BDP1: variants seen among roughly 807,000 people sequenced by gnomAD.
BDP1 encodes BDP1 general transcription factor IIIB subunit.
In BDP1, 169 loss-of-function variants were observed where a neutral mutation model predicts 266.6. That is an observed-to-expected ratio of 0.63 (90% CI 0.56 to 0.72). BDP1 has a LOEUF of 0.72. BDP1 is among the 30% of genes least tolerant of loss of function. BDP1 has a pLI of 0.00. For synonymous variants in BDP1, 1,090 were observed against 1,022.4 expected (o/e 1.07, Z -1.26); for missense variants, 3,015 against 3,053.8 (o/e 0.99, Z 0.30).
chr5:71,499,673 A>AT (rs1764114325), intron 13 of BDP1, among the ~76,000 whole-genome samples: 1 of 152,082 alleles, frequency 6.6e-6, no homozygotes, highest in Non-Finnish European at 1.5e-5. Flanking sequence ...ATTAATTTAC[A>AT]TTTTTTTGGG....
rs1765276261 is a variant in BDP1 at position 71,517,354 on chromosome 5, T to G, written c.4893T>G (p.Val1631=). 1 of 1,599,532 alleles carries G rather than the reference T, an allele frequency of 6.3e-7. No individual in the cohort carries two copies. The highest frequency in any genetic ancestry group is 8.5e-7 in the Non-Finnish European group (1 of 1,176,206). ...SNSQIETEIE[V]PSSAVPEHRM... ...CTCAAATTGAAACTGAAATTGAAGT[T>G]CCATCGTCCGCAGTTCCAGAACACA... The change falls in exon 22 of 39, where the codon GTT becomes GTG. Residue 1631 remains valine, a synonymous_variant. Transcript: ENST00000358731.
chr5:71,495,975 G>A (rs542901093), intron 12 of BDP1, among the ~76,000 whole-genome samples: 1 of 152,212 alleles, frequency 6.6e-6, no homozygotes, highest in African/African-American at 2.4e-5. Flanking sequence ...GGGCGCAGTG[G>A]CTCACACCTG....
chr5:71,541,404 G>A, intron 28 of BDP1, 50 bp from the exon 29 acceptor site: 1 of 705,738 alleles, frequency 1.4e-6, no homozygotes, highest in East Asian at 2.9e-5. Context: ...TTTATTTTGA[G>A]CATCTATAAT....
Position 71,455,656 on chromosome 5 carries a change from T to G in BDP1, c.-222T>G. 1.8e-6 allele frequency: 1 copy of G among 570,066 alleles called. No individual in the cohort carries two copies. The highest frequency in any genetic ancestry group is 3.1e-6 in the Non-Finnish European group (1 of 320,852). The allele number at this position is 570,066 out of a possible 1,614,324, so 35.3% of individuals were successfully genotyped here. A position where few individuals can be genotyped will look rare whatever the true frequency, so the allele number is the denominator to read the frequency against. On this transcript the variant is annotated 5_prime_UTR_variant, in exon 1 of 39. Coordinates refer to ENST00000358731, the MANE Select transcript of BDP1 (RefSeq NM_018429.3). ...GAGCGCGGGGATGCTGGGAGGAGGG[T>G]GAAATTTAGCCATCGGTGTGTGGCA...
chr5:71,573,233 AAAAAAAAAG>A, the BDP1 span, among the ~76,000 whole-genome samples: 1 of 125,708 alleles, frequency 8.0e-6, no homozygotes, highest in Non-Finnish European at 1.8e-5. Context: ...GTTTCAAAAA[AAAAAAAAAG>A]AAAGAAAAGA....
At chr5:71,496,110 C>T (rs1382689663) in intron 12 of BDP1, among the ~76,000 whole-genome samples, 1 of 151,852 alleles carries the variant, frequency 6.6e-6, no homozygotes, top group Non-Finnish European at 1.5e-5. Flanking sequence ...GGTGTGGTGG[C>T]ATGCACCTGT....
At chr5:71,522,988 T>G (rs1279885367) in intron 24 of BDP1, 39 bp downstream of exon 24, 1 of 1,506,936 alleles carries the variant, frequency 6.6e-7, no homozygotes, top group Non-Finnish European at 8.9e-7. Context: ...CAATAAGAAA[T>G]AAAAATCACT....
intron 25 of BDP1, among the ~76,000 whole-genome samples, chr5:71,530,970 G>T (rs529291909): frequency 3.3e-5 from 5 of 152,184 alleles, no homozygotes; most frequent in Admixed American, 1.3e-4. Context: ...GCTACTTGGA[G>T]GGCTGAGGCG....
chr5:71,544,968 A>C, intron 31 of BDP1, 71 bp from the exon 32 acceptor site: 3 of 1,394,224 alleles, frequency 2.2e-6, no homozygotes, highest in Non-Finnish European at 3.0e-6. Context: ...GATCTTTTAC[A>C]CACCTAGCTC....
chr5:71,577,409 A>G, the BDP1 span, among the ~76,000 whole-genome samples: 1 of 152,248 alleles, frequency 6.6e-6, no homozygotes, highest in East Asian at 1.9e-4. Context: ...GCTACTTGAG[A>G]ATAAAATTAA....
rs759335091 is a variant in BDP1 at position 71,493,560 on chromosome 5, G to C, written c.1641-1690G>C. On this transcript the variant is annotated intron_variant, in intron 11 of 38. Transcript: ENST00000358731. ...TCTAATTTAGGGGAAAAACAACCTT[G>C]TAATGACTGTTAAAGTCCCAGTTGG... Among the ~76,000 whole-genome samples the C allele has an allele frequency of 1.3e-5, 2 of 152,182 alleles. 1 individual carries two copies. The highest frequency in any genetic ancestry group is 1.3e-4 in the Admixed American group (2 of 15,272).
chr5:71,571,207 C>T (rs937188278), downstream of BDP1, among the ~76,000 whole-genome samples: 3 of 152,052 alleles, frequency 2.0e-5, no homozygotes, highest in Non-Finnish European at 2.9e-5. Context: ...GGCAGTGGCA[C>T]GATCTCAGCT....
Position 71,461,946 on chromosome 5 carries a change from G to C in BDP1, c.599+20G>C, listed in dbSNP as rs1761593477. 1.0e-6 allele frequency: 1 copy of C among 967,694 alleles called. No individual in the cohort carries two copies. The highest frequency in any genetic ancestry group is 1.6e-6 in the Non-Finnish European group (1 of 625,170). The allele number at this position is 967,694 out of a possible 1,614,324, so 59.9% of individuals were successfully genotyped here. A position where few individuals can be genotyped will look rare whatever the true frequency, so the allele number is the denominator to read the frequency against. ...AATGACGTAAGTAAAATTTATTTCT[G>C]CTTTACTATCTCTTTTTTTTTTTTT... On this transcript the variant is annotated intron_variant, in intron 3 of 38. Transcript: ENST00000358731.
chr5:71,554,151 T>C (rs1328806038), intron 35 of BDP1, among the ~76,000 whole-genome samples: 3 of 152,204 alleles, frequency 2.0e-5, no homozygotes, highest in African/African-American at 7.2e-5. Flanking sequence ...AGAGCAAGTG[T>C]GCTTTTATAT....
At chr5:71,520,239 T>C (rs2150501285) in intron 22 of BDP1, among the ~76,000 whole-genome samples, 1 of 152,326 alleles carries the variant, frequency 6.6e-6, no homozygotes, top group African/African-American at 2.4e-5. Context: ...GAATTTTTTC[T>C]CCCATTCTGT....
downstream of BDP1, among the ~76,000 whole-genome samples, chr5:71,568,980 TC>T (rs1241292620): frequency 6.6e-6 from 1 of 152,246 alleles, no homozygotes; most frequent in African/African-American, 2.4e-5. Flanking sequence ...TGCATTTTTT[TC>T]ATGGCACTAG....
intron 11 of BDP1, among the ~76,000 whole-genome samples, chr5:71,493,321 G>A (rs988670150): frequency 2.6e-5 from 4 of 152,166 alleles, no homozygotes; most frequent in Non-Finnish European, 1.5e-5. Context: ...GTGTAGTAGC[G>A]TGATCACAGC....
At chr5:71,557,007 T>C in intron 36 of BDP1, 82 bp downstream of exon 36, 1 of 685,124 alleles carries the variant, frequency 1.5e-6, no homozygotes, top group Non-Finnish European at 2.3e-6. Flanking sequence ...AAATATGAGA[T>C]TGAAACTGAG....
intron 7 of BDP1, among the ~76,000 whole-genome samples, chr5:71,482,061 T>C (rs1763000062): frequency 6.6e-6 from 1 of 152,246 alleles, no homozygotes; most frequent in Non-Finnish European, 1.5e-5. Context: ...TATTGTCATA[T>C]GGTGTTTTAT....
Sources: allele counts gnomAD v4.1 joint callset (sites outside exome capture counted in the v4.1 genomes callset), GRCh38; gene constraint gnomAD v4.1.1; transcripts MANE v1.5; gene names NCBI Gene and HGNC (gene_info 2026-07-23, HGNC 2026-07-21).